Variants in OTULINL observed in about 807,000 individuals in gnomAD.
OTULINL encodes OTU deubiquitinase with linear linkage specificity like, also known as inactive ubiquitin thioesterase OTULINL.
OTULINL carries 42 observed loss-of-function variants against 43.9 expected under a neutral mutation model. That is an observed-to-expected ratio of 0.96 (90% CI 0.75 to 1.24). The LOEUF is 1.24. OTULINL is among the 50% of genes most tolerant of loss of function. OTULINL has a pLI of 0.00. For missense variants in OTULINL, 411 were observed against 426.4 expected (o/e 0.96, Z 0.32); for synonymous variants, 172 against 153.6 (o/e 1.12, Z -0.88).
intron 5 of OTULINL, among the ~76,000 whole-genome samples, chr5:14,604,321 G>A (rs1181296429): frequency 6.6e-6 from 1 of 152,144 alleles, no homozygotes; most frequent in South Asian, 2.1e-4. Context: ...GTGATAGAGT[G>A]TGTATTAGTC....
At chr5:14,585,568 G>A (rs1378694623) in intron 1 of OTULINL, among the ~76,000 whole-genome samples, 1 of 152,158 alleles carries the variant, frequency 6.6e-6, no homozygotes, top group African/African-American at 2.4e-5. Context: ...TGGCTCCCTG[G>A]CCTGGAGTGG....
intron 1 of OTULINL, among the ~76,000 whole-genome samples, chr5:14,585,112 T>A (rs1330728564): frequency 6.6e-6 from 1 of 152,048 alleles, no homozygotes; most frequent in African/African-American, 2.4e-5. Context: ...TTCAAGGTCT[T>A]TACTCTCTAG....
intron 5 of OTULINL, among the ~76,000 whole-genome samples, chr5:14,605,068 G>C (rs1029268515): frequency 2.6e-5 from 4 of 152,200 alleles, no homozygotes; most frequent in Non-Finnish European, 5.9e-5. Context: ...CCCTAGCAGA[G>C]GTTCTCCATG....
Position 14,614,203 on chromosome 5 carries a change from A to ATG in OTULINL, c.*3890_*3891insGT, listed in dbSNP as rs1169873354. On this transcript the variant is annotated 3_prime_UTR_variant, in exon 8 of 8. Coordinates refer to ENST00000274217, the MANE Select transcript of OTULINL (RefSeq NM_019018.3). ...GTTAATGTGTAAAACAGAAAAAAGT[A>ATG]TATATATATCATATGTCTTTTCATG... 1.3e-5 allele frequency among the ~76,000 whole-genome samples: 2 copies of ATG among 151,730 alleles called. No individual in the cohort carries two copies. The highest frequency in any genetic ancestry group is 4.8e-5 in the African/African-American group (2 of 41,274).
At chr5:14,585,038 A>G (rs1310060190) in intron 1 of OTULINL, among the ~76,000 whole-genome samples, 1 of 152,152 alleles carries the variant, frequency 6.6e-6, no homozygotes, top group Admixed American at 6.5e-5. Flanking sequence ...GGGCGCAAAC[A>G]TTCCCTCCGC....
At chr5:14,590,832 G>T (rs890495907) in intron 1 of OTULINL, among the ~76,000 whole-genome samples, 4 of 152,170 alleles carry the variant, frequency 2.6e-5, no homozygotes, top group African/African-American at 7.2e-5. Flanking sequence ...ATTTGTTAGG[G>T]TCCTTTCCAG....
chr5:14,613,713 T>G lies in OTULINL; in HGVS notation c.*3399T>G, dbSNP rs1250660642. On this transcript the variant is annotated 3_prime_UTR_variant, in exon 8 of 8. Coordinates refer to ENST00000274217, the MANE Select transcript of OTULINL (RefSeq NM_019018.3). ...TTCATGGTCTTGAACCAAAGTCATT[T>G]CCACCCAAGGGAGAGTCAGGTGAAA... 2.0e-5 allele frequency among the ~76,000 whole-genome samples: 3 copies of G among 152,158 alleles called. No homozygotes were observed. The highest frequency in any genetic ancestry group is 4.4e-5 in the Non-Finnish European group (3 of 68,016).
chr5:14,610,000 G>A, intron 7 of OTULINL, 141 bp from the exon 8 acceptor site: 1 of 625,608 alleles, frequency 1.6e-6, no homozygotes, highest in Non-Finnish European at 2.8e-6. Flanking sequence ...TCTGAACTCT[G>A]TGCCCACTCA....
intron 1 of OTULINL, among the ~76,000 whole-genome samples, chr5:14,583,831 G>A (rs1292850059): frequency 6.6e-6 from 1 of 152,040 alleles, no homozygotes; most frequent in Non-Finnish European, 1.5e-5. Context: ...TTTAGCATTC[G>A]AAATAACAGC....
chr5:14,610,097 T>G lies in OTULINL; in HGVS notation c.898-44T>G, dbSNP rs764042944. On this transcript the variant is annotated intron_variant, in intron 7 of 7. Coordinates refer to ENST00000274217, the MANE Select transcript of OTULINL (RefSeq NM_019018.3). The stretch of plus-strand genomic sequence containing the variant: ...CCCCCACCGTGGCGGGAGGCAGGAA[T>G]TTGCAAGTGTGTATCTGTGACCTGT... 34 of 1,566,462 alleles carry G rather than the reference T, an allele frequency of 2.2e-5. No homozygotes were observed. In the South Asian group the frequency reaches 3.7e-4, roughly 17 times the overall value.
At chr5:14,582,118 G>A (rs1759011938) in intron 1 of OTULINL, among the ~76,000 whole-genome samples, 160 bp downstream of exon 1, 1 of 152,048 alleles carries the variant, frequency 6.6e-6, no homozygotes, top group South Asian at 2.1e-4. Flanking sequence ...GCGCGCCCCT[G>A]AGCCGGGCGG....
rs374335834 is a variant in OTULINL at position 14,598,062 on chromosome 5, A to G, written c.65-2903A>G. Among the ~76,000 whole-genome samples the G allele has an allele frequency of 4.6e-4, 70 of 152,178 alleles. 1 individual carries two copies. The highest frequency in any genetic ancestry group is 1.7e-3 in the African/African-American group (69 of 41,506). ...ACAAGAGAGGCCCTGTGCTCAAGAG[A>G]GATGGCCCAGCTTCAGGGTCTCACC... On this transcript the variant is annotated intron_variant, in intron 1 of 7. Coordinates refer to ENST00000274217, the MANE Select transcript of OTULINL (RefSeq NM_019018.3).
intron 1 of OTULINL, among the ~76,000 whole-genome samples, chr5:14,590,980 C>G (rs1381673467): frequency 2.0e-5 from 3 of 152,144 alleles, no homozygotes; most frequent in Non-Finnish European, 4.4e-5. Flanking sequence ...GTTTAAAAAA[C>G]AAACCCACAC....
intron 1 of OTULINL, among the ~76,000 whole-genome samples, chr5:14,591,513 T>TA (rs1759201628): frequency 6.6e-6 from 1 of 151,968 alleles, no homozygotes; most frequent in South Asian, 2.1e-4. Context: ...CATGCCATTT[T>TA]AAAAAAATCT....
intron 1 of OTULINL, 82 bp from the exon 2 acceptor site, chr5:14,600,883 C>T: frequency 2.2e-5 from 27 of 1,210,808 alleles, no homozygotes; most frequent in Non-Finnish European, 2.2e-5. Context: ...TATGCAATCT[C>T]TCTCTGCATT....
chr5:14,604,780 C>T (rs568253905), intron 5 of OTULINL, among the ~76,000 whole-genome samples: 2 of 152,350 alleles, frequency 1.3e-5, no homozygotes, highest in East Asian at 3.9e-4. Flanking sequence ...GATTCTGTCT[C>T]ATATCCAGGT....
At chr5:14,584,293 A>G (rs17307658) in intron 1 of OTULINL, among the ~76,000 whole-genome samples, 7,369 of 152,210 alleles carry the variant, frequency 0.048, 292 homozygotes, top group Middle Eastern at 0.078. Context: ...CAGTGGTAAC[A>G]TTCACATTTC....
In OTULINL at chr5:14,612,962, G is replaced by C. The variant is rs1359989320; in HGVS notation, c.*2648G>C. 6.6e-6 allele frequency among the ~76,000 whole-genome samples: 1 copy of C among 151,314 alleles called. No individual in the cohort carries two copies. On this transcript the variant is annotated 3_prime_UTR_variant, in exon 8 of 8. Transcript: ENST00000274217. The stretch of plus-strand genomic sequence containing the variant: ...TTTGAGACGGAGTTTCACTCTTTTT[G>C]CTCAGGCTGCAGTGCAGTGGCACAA...
At chr5:14,584,628 C>G (rs146555631) in intron 1 of OTULINL, among the ~76,000 whole-genome samples, 218 of 152,220 alleles carry the variant, frequency 1.4e-3, no homozygotes, top group African/African-American at 4.9e-3. Context: ...TGAGTAAGCA[C>G]TCAAATGTTA....
Sources: allele counts gnomAD v4.1 joint callset (sites outside exome capture counted in the v4.1 genomes callset), GRCh38; gene constraint gnomAD v4.1.1; transcripts MANE v1.5; gene names NCBI Gene and HGNC (gene_info 2026-07-23, HGNC 2026-07-21).